Variants in PTPN9 observed in about 807,000 individuals in gnomAD.
PTPN9 encodes the protein tyrosine-protein phosphatase non-receptor type 9.
PTPN9 carries 26 observed loss-of-function variants against 69.8 expected under a neutral mutation model. The ratio of observed to expected loss-of-function variants is 0.37; its 90% CI spans 0.27 to 0.52. PTPN9 has a LOEUF of 0.52. Ranked by LOEUF, PTPN9 falls within the 20% of genes least tolerant of loss-of-function variation. The probability of loss-of-function intolerance (pLI) is 0.91; values close to 1 mark genes in which losing one functional copy is unlikely to be tolerated. For synonymous variants in PTPN9, 274 were observed against 272.5 expected (o/e 1.01, Z -0.05); for missense variants, 549 against 740.3 (o/e 0.74, Z 3.00).
intron 9 of PTPN9, among the ~76,000 whole-genome samples, chr15:75,479,348 T>G (rs1314028876): frequency 6.6e-6 from 1 of 152,194 alleles, no homozygotes; most frequent in Non-Finnish European, 1.5e-5. Context: ...GAGCTCAGTA[T>G]TCCACTGTCA....
intron 10 of PTPN9, among the ~76,000 whole-genome samples, chr15:75,471,115 G>C (rs1334303881): frequency 6.6e-6 from 1 of 152,104 alleles, no homozygotes; most frequent in Non-Finnish European, 1.5e-5. Context: ...CACATATGTG[G>C]GATAAATACT....
intron 7 of PTPN9, among the ~76,000 whole-genome samples, chr15:75,494,695 TC>T (rs2074730267): frequency 6.6e-6 from 1 of 152,014 alleles, no homozygotes; most frequent in Non-Finnish European, 1.5e-5. Flanking sequence ...TCTTTTTCCT[TC>T]CCTGGGCATT....
rs1491519417 is a variant in PTPN9 at position 75,530,712 on chromosome 15, T to TATA, written c.64-3454_64-3452dup. Among the ~76,000 whole-genome samples, 26 of 18,956 alleles carry TATA rather than the reference T, an allele frequency of 1.4e-3. 3 individuals carry two copies. Among genetic ancestry groups the TATA allele is most frequent in the African/African-American group, 0.012 (23 of 1,862 alleles). The allele number at this position is 18,956 out of a possible 152,430, so 12.4% of individuals were successfully genotyped here. On this transcript the variant is annotated intron_variant, in intron 1 of 12. Coordinates refer to ENST00000618819, the MANE Select transcript of PTPN9 (RefSeq NM_002833.4). ...TTATAATATATATAATATATATTATTATATAATATATATAATATATATTAT... is the reference window on the plus strand; with the variant it reads ...TTATAATATATATAATATATATTATTATAATATAATATATATAATATATATTAT...
At position 75,466,174 on chromosome 15, in the gene PTPN9, C is replaced by G. The variant is rs1352504034; in HGVS notation, c.*2595G>C. On this transcript the variant is annotated 3_prime_UTR_variant, in exon 13 of 13. Transcript: ENST00000618819. ...CTGTAGCAAATTAACATTCCTGTCTCTCAATTTTTTTCTTCTGTCAATACC... is the reference window on the plus strand; with the variant it reads ...CTGTAGCAAATTAACATTCCTGTCTGTCAATTTTTTTCTTCTGTCAATACC... The G allele has an allele frequency of 6.6e-6, 1 of 152,214 alleles. No homozygotes were observed. Among genetic ancestry groups the G allele is most frequent in the Non-Finnish European group, 1.5e-5 (1 of 68,046 alleles). 9.4% of individuals were successfully genotyped at this position (152,214 alleles called of 1,614,324 possible).
At chr15:75,572,325 C>T (rs560525656) in intron 1 of PTPN9, among the ~76,000 whole-genome samples, 2 of 151,800 alleles carry the variant, frequency 1.3e-5, no homozygotes, top group African/African-American at 2.4e-5. Flanking sequence ...AGCAAGACTC[C>T]GTCTCAAAAC....
At chr15:75,513,583 A>G in intron 5 of PTPN9, 2 of 356,218 alleles carry the variant, frequency 5.6e-6, no homozygotes, top group Non-Finnish European at 1.1e-5. Context: ...CCTGGCCAAC[A>G]TGGTGAAACC....
chr15:75,504,707 C>T (rs1294162495), intron 7 of PTPN9, among the ~76,000 whole-genome samples: 2 of 137,328 alleles, frequency 1.5e-5, no homozygotes, highest in East Asian at 2.3e-4. Flanking sequence ...CAGCCCCCCG[C>T]CCGGGAGGTG....
At chr15:75,572,672 G>A (rs899853830) in intron 1 of PTPN9, among the ~76,000 whole-genome samples, 5 of 151,708 alleles carry the variant, frequency 3.3e-5, no homozygotes, top group South Asian at 2.1e-4. Flanking sequence ...CTGAGACTGC[G>A]CTCCAGCCTG....
chr15:75,571,080 C>A (rs537206866), intron 1 of PTPN9, among the ~76,000 whole-genome samples: 1 of 151,490 alleles, frequency 6.6e-6, no homozygotes, highest in African/African-American at 2.4e-5. Flanking sequence ...GCCAACATGG[C>A]GAAACCCCGT....
At chr15:75,572,030 G>C (rs2075150542) in intron 1 of PTPN9, among the ~76,000 whole-genome samples, 1 of 151,862 alleles carries the variant, frequency 6.6e-6, no homozygotes, top group African/African-American at 2.4e-5. Flanking sequence ...AATCTAGTGA[G>C]AGTTCTAGTT....
chr15:75,515,119 G>A (rs1476549954), intron 5 of PTPN9, among the ~76,000 whole-genome samples: 4 of 152,220 alleles, frequency 2.6e-5, no homozygotes, highest in Admixed American at 2.0e-4. Context: ...GCAGGGTGAG[G>A]TGAGCCAGAA....
intron 10 of PTPN9, among the ~76,000 whole-genome samples, chr15:75,471,745 T>C (rs2141670136): frequency 6.6e-6 from 1 of 150,606 alleles, no homozygotes. Flanking sequence ...TGAAACCCCA[T>C]CTCTACTAAA....
In PTPN9 at chr15:75,465,937, T is replaced by A. The variant is rs1388788531; in HGVS notation, c.*2832A>T. 1.3e-5 allele frequency: 2 copies of A among 152,218 alleles called. No individual in the cohort carries two copies. The highest frequency in any genetic ancestry group is 1.3e-4 in the Admixed American group (2 of 15,282). The allele number at this position is 152,218 out of a possible 1,614,324, so 9.4% of individuals were successfully genotyped here. ...CTGGTTTCTCAGATTTCCAAGAATC[T>A]CTGTTCACTTCTTATGTTTGTGCAC... On this transcript the variant is annotated 3_prime_UTR_variant, in exon 13 of 13. Transcript: ENST00000618819.
At chr15:75,541,501 G>A (rs1284460030) in intron 1 of PTPN9, among the ~76,000 whole-genome samples, 1 of 151,584 alleles carries the variant, frequency 6.6e-6, no homozygotes, top group Non-Finnish European at 1.5e-5. Flanking sequence ...CCGCCTCCCA[G>A]GTTCACACCA....
intron 8 of PTPN9, among the ~76,000 whole-genome samples, chr15:75,481,815 C>G (rs1180086560): frequency 2.9e-4 from 38 of 130,746 alleles, no homozygotes; most frequent in African/African-American, 1.1e-3. Context: ...CCAGCCGCCC[C>G]GTCCGGGAGG....
chr15:75,497,076 A>C (rs1424058900), intron 7 of PTPN9, among the ~76,000 whole-genome samples: 1 of 152,178 alleles, frequency 6.6e-6, no homozygotes, highest in Non-Finnish European at 1.5e-5. Flanking sequence ...AGTATAAACA[A>C]AATCAACTAG....
chr15:75,481,238 C>T (rs2074632032), intron 8 of PTPN9, among the ~76,000 whole-genome samples: 1 of 91,642 alleles, frequency 1.1e-5, no homozygotes, highest in Non-Finnish European at 2.3e-5. Flanking sequence ...TGCCTGGCAA[C>T]CACCCCGTCT....
intron 1 of PTPN9, among the ~76,000 whole-genome samples, chr15:75,538,606 CG>C (rs1473328918): frequency 1.3e-5 from 2 of 151,904 alleles, no homozygotes; most frequent in African/African-American, 4.8e-5. Context: ...CACTTAAGCC[CG>C]GGAGGCAGAG....
At chr15:75,524,185 C>T in intron 3 of PTPN9, 24 bp downstream of exon 3, 4 of 1,436,090 alleles carry the variant, frequency 2.8e-6, no homozygotes, top group Non-Finnish European at 3.9e-6. Flanking sequence ...TAAGGCCCTA[C>T]AAGATAGGTC....
Sources: allele counts gnomAD v4.1 joint callset (sites outside exome capture counted in the v4.1 genomes callset), GRCh38; gene constraint gnomAD v4.1.1; transcripts MANE v1.5; gene names NCBI Gene and HGNC (gene_info 2026-07-23, HGNC 2026-07-21).